MYH15: variants seen among roughly 807,000 people sequenced by gnomAD.
The protein encoded by MYH15 is myosin-15.
MYH15 carries 227 observed loss-of-function variants against 240.5 expected under a neutral mutation model. That is an observed-to-expected ratio of 0.94 (90% CI 0.85 to 1.05). The LOEUF is 1.05. MYH15 is among the 50% of genes least tolerant of loss of function. The pLI, the probability that MYH15 is intolerant of heterozygous loss-of-function variation, is 0.00. For missense variants in MYH15, 2,217 were observed against 2,247.5 expected (o/e 0.99, Z 0.27); for synonymous variants, 785 against 796.7 (o/e 0.99, Z 0.25).
At chr3:108,470,942 G>A (rs906434766) in intron 12 of MYH15, 95 bp from the exon 13 acceptor site, 1 of 1,284,442 alleles carries the variant, frequency 7.8e-7, no homozygotes, top group South Asian at 1.5e-5. Flanking sequence ...AGTCAAATTA[G>A]GATGTCTTTA....
At chr3:108,499,615 G>A in intron 4 of MYH15, 133 bp from the exon 5 acceptor site, 1 of 847,928 alleles carries the variant, frequency 1.2e-6, no homozygotes, top group East Asian at 2.6e-5. Flanking sequence ...TTTATAGTTA[G>A]AAAAACATAC....
In MYH15 at chr3:108,463,146, G is replaced by C. The variant is rs28565077; in HGVS notation, c.1829C>G (p.Ala610Gly). The change falls in exon 16 of 41, where the codon GCG (alanine) becomes GGG (glycine). Residue 610 changes from alanine to glycine, a missense_variant. Ala to Gly is a moderately conservative substitution (Grantham distance 60, BLOSUM62 0). Transcript: ENST00000693548. ...ACTCATGTAATTTTCAAAAAGGCTC[G>C]CCAGGAGTCTGTTGGAAGACTTCTG... The part of the protein sequence containing the change: ...VFQKSSNRLL[A>G]SLFENYMSTD... 2.5e-6 allele frequency: 4 copies of C among 1,612,024 alleles called. No individual in the cohort carries two copies. Among genetic ancestry groups the C allele is most frequent in the Middle Eastern group, 1.7e-4 (1 of 6,042 alleles).
At chr3:108,536,043 G>A in the MYH15 span, among the ~76,000 whole-genome samples, 1 of 152,252 alleles carries the variant, frequency 6.6e-6, no homozygotes. Context: ...CGAGGTGGGC[G>A]GATCTTCTGA....
Position 108,416,792 on chromosome 3 carries a change from A to T in MYH15, c.3948+20T>A. 6.4e-7 allele frequency: 1 copy of T among 1,557,544 alleles called. No individual in the cohort carries two copies. Among genetic ancestry groups the T allele is most frequent in the South Asian group, 1.1e-5 (1 of 87,582 alleles). On this transcript the variant is annotated intron_variant, in intron 29 of 40. Transcript: ENST00000693548. ...AAAACACACAGTCAAGAAACTAGTG[A>T]GAAATAATAGATACATTACTTTGGT... is the stretch of plus-strand genomic sequence containing the variant.
rs2083014339 is a variant in MYH15, at chr3:108,455,791, T to C, written c.2207A>G (p.Glu736Gly). ...KFVSSRKAAE[E>G]LLGSLEIDHT... ...GTCTATCTCCAAGGAGCCAAGTAAT[T>C]CTTCAGCTGCTTTTCTGCTGCTCAC... The change falls in exon 20 of 41, where the codon GAA becomes GGA. Residue 736 changes from glutamate (E) to glycine (G), a missense_variant. Physicochemically the swap from Glu to Gly is moderately conservative, Grantham distance 98. Transcript: ENST00000693548. 1.9e-6 allele frequency: 3 copies of C among 1,613,654 alleles called. No homozygotes were observed. The highest frequency in any genetic ancestry group is 1.7e-5 in the Admixed American group (1 of 59,998).
At chr3:108,432,680 C>T (rs1431496159) in intron 25 of MYH15, among the ~76,000 whole-genome samples, 1 of 152,162 alleles carries the variant, frequency 6.6e-6, no homozygotes, top group Non-Finnish European at 1.5e-5. Flanking sequence ...GCTGCTCCAG[C>T]CATGGCTGAA....
At chr3:108,393,720 T>C (rs775037005) in intron 36 of MYH15, among the ~76,000 whole-genome samples, 2 of 152,260 alleles carry the variant, frequency 1.3e-5, no homozygotes, top group Non-Finnish European at 2.9e-5. Context: ...GAATTGTTTC[T>C]AGACACTAGA....
At chr3:108,485,430 C>G (rs1421377743) in intron 10 of MYH15, among the ~76,000 whole-genome samples, 1 of 152,230 alleles carries the variant, frequency 6.6e-6, no homozygotes, top group East Asian at 1.9e-4. Context: ...TAGGAAGGCA[C>G]AAGACTAGGC....
At chr3:108,417,592 G>T (rs143096776) in intron 28 of MYH15, among the ~76,000 whole-genome samples, 114 of 152,198 alleles carry the variant, frequency 7.5e-4, no homozygotes, top group African/African-American at 2.7e-3. Flanking sequence ...GAAATGTGAC[G>T]ATGAGAGGGA....
At chr3:108,512,839 A>G (rs905299343), upstream of MYH15, among the ~76,000 whole-genome samples, 39 of 152,308 alleles carry the variant, frequency 2.6e-4, no homozygotes, top group African/African-American at 9.1e-4. Context: ...GTGTAGGAGC[A>G]GGCACTGGAA....
chr3:108,468,511 G>T (rs192010471), intron 14 of MYH15, among the ~76,000 whole-genome samples: 75 of 152,274 alleles, frequency 4.9e-4, no homozygotes, highest in African/African-American at 1.6e-3. Context: ...TCAAAATTTA[G>T]AATCTTTTCA....
chr3:108,544,445 T>C, the MYH15 span, among the ~76,000 whole-genome samples: 274 of 152,304 alleles, frequency 1.8e-3, no homozygotes, highest in African/African-American at 5.6e-3. Flanking sequence ...GGGTGGATCA[T>C]ATCCACCCAG....
Position 108,381,497 on chromosome 3 carries a change from C to T in MYH15, c.*48G>A, listed in dbSNP as rs769846963. ...ACCTAAGTTTTTGGCCATGAAACAG[C>T]ACCTTCCTTGTACTTCTCCAGCTGT... On this transcript the variant is annotated 3_prime_UTR_variant, in exon 41 of 41. Transcript: ENST00000693548. The T allele has an allele frequency of 4.4e-6, 7 of 1,608,266 alleles. 1 individual carries two copies. In the South Asian group the frequency reaches 6.6e-5, roughly 15 times the overall value.
intron 20 of MYH15, among the ~76,000 whole-genome samples, chr3:108,454,416 T>C (rs1041988096): frequency 6.6e-6 from 1 of 152,156 alleles, no homozygotes; most frequent in Non-Finnish European, 1.5e-5. Context: ...GTCTCAATTG[T>C]TTAGGGAACC....
At chr3:108,497,672 A>G (rs1254319655) in intron 6 of MYH15, among the ~76,000 whole-genome samples, 1 of 152,082 alleles carries the variant, frequency 6.6e-6, no homozygotes, top group Non-Finnish European at 1.5e-5. Flanking sequence ...ATTGGTGCAT[A>G]TTTGTGGGAA....
intron 28 of MYH15, among the ~76,000 whole-genome samples, chr3:108,419,824 C>T (rs2082666906): frequency 6.6e-6 from 1 of 151,898 alleles, no homozygotes; most frequent in South Asian, 2.1e-4. Context: ...CAAATGTGTT[C>T]ATTCTCTTTT....
intron 2 of MYH15, among the ~76,000 whole-genome samples, chr3:108,504,516 A>G (rs1420091781): frequency 6.6e-6 from 1 of 152,230 alleles, no homozygotes; most frequent in Non-Finnish European, 1.5e-5. Context: ...TTGCCTAAAA[A>G]CAAAGATAGC....
Position 108,427,627 on chromosome 3 carries a change from C to G in MYH15, c.3702+865G>C, listed in dbSNP as rs1454732968. On this transcript the variant is annotated intron_variant, in intron 27 of 40. Transcript: ENST00000693548. ...CACACACACACACACAACACACACACACACACACAGAGAGAGAGAGAGAGA... is the reference window on the plus strand; with the variant it reads ...CACACACACACACACAACACACACAGACACACACAGAGAGAGAGAGAGAGA... Among the ~76,000 whole-genome samples the G allele has an allele frequency of 2.5e-3, 279 of 112,620 alleles. 1 individual carries two copies. Among genetic ancestry groups the G allele is most frequent in the African/African-American group, 8.5e-3 (266 of 31,322 alleles). The allele number at this position is 112,620 out of a possible 152,430, so 73.9% of individuals were successfully genotyped here. A position where few individuals can be genotyped will look rare whatever the true frequency, so the allele number is the denominator to read the frequency against.
Position 108,481,200 on chromosome 3 carries a change from G to A in MYH15, c.1114+3891C>T, listed in dbSNP as rs199660241. 7.2e-5 allele frequency among the ~76,000 whole-genome samples: 11 copies of A among 152,172 alleles called. No homozygotes were observed. The East Asian group carries it at 2.1e-3, about 29-fold the overall frequency. ...TACTAGGCTGAAACAACATGAATAT[G>A]ATCACATTTTTATTTTAAAAAGTTA... is the stretch of plus-strand genomic sequence containing the variant. On this transcript the variant is annotated intron_variant, in intron 11 of 40. Transcript: ENST00000693548.
Sources: gnomAD v4.1 joint callset for allele counts (sites outside exome capture counted in the v4.1 genomes callset) on GRCh38, gnomAD v4.1.1 for gene constraint, MANE v1.5 for transcripts, NCBI Gene and HGNC (gene_info 2026-07-23, HGNC 2026-07-21) for gene names.